MCF2L2: variants seen among roughly 807,000 people sequenced by gnomAD.
MCF2L2 encodes MCF.2 cell line derived transforming sequence-like 2, also known as probable guanine nucleotide exchange factor MCF2L2.
In MCF2L2, 102 loss-of-function variants were observed where a neutral mutation model predicts 150.2. That is an observed-to-expected ratio of 0.68 (90% confidence interval 0.58 to 0.80). The LOEUF is 0.80. Among genes scored for constraint, MCF2L2 ranks in the 30% least tolerant of loss-of-function variants. MCF2L2 has a pLI of 0.00. For missense variants in MCF2L2, 1,256 were observed against 1,372.8 expected (o/e 0.91, Z 1.34); for synonymous variants, 465 against 491.3 (o/e 0.95, Z 0.71).
intron 15 of MCF2L2, among the ~76,000 whole-genome samples, chr3:183,269,230 C>CTTTTTTGTTTTTTT (rs1726469621): frequency 1.2e-5 from 1 of 81,030 alleles, no homozygotes; most frequent in Non-Finnish European, 2.2e-5. Context: ...GTTTGGGAAG[C>CTTTTTTGTTTTTTT]TTTTTTTTTT....
chr3:183,209,288 A>G lies in MCF2L2; in HGVS notation c.2497-1465T>C, dbSNP rs534187228. Among the ~76,000 whole-genome samples, 7 of 152,318 alleles carry G rather than the reference A, an allele frequency of 4.6e-5. No homozygotes were observed. In the East Asian group the frequency reaches 1.4e-3, roughly 29 times the overall value. ...TTTAGTAAAGGCAACTGGTAGAAGTAGATACTTAATATTTGCCACATAAAC... is the reference window on the plus strand; with the variant it reads ...TTTAGTAAAGGCAACTGGTAGAAGTGGATACTTAATATTTGCCACATAAAC... On this transcript the variant is annotated intron_variant, in intron 22 of 29. Coordinates refer to ENST00000328913, the MANE Select transcript of MCF2L2 (RefSeq NM_015078.4).
chr3:183,364,413 A>G lies in MCF2L2; in HGVS notation c.275+14884T>C, dbSNP rs552998360. Among the ~76,000 whole-genome samples the G allele has an allele frequency of 2.0e-5, 3 of 152,156 alleles. No homozygotes were observed. The East Asian group carries it at 5.8e-4, about 29-fold the overall frequency. On this transcript the variant is annotated intron_variant, in intron 3 of 29. Coordinates refer to ENST00000328913, the MANE Select transcript of MCF2L2 (RefSeq NM_015078.4). ...TGGGTGCCTGTAGTCCCAGCTACTC[A>G]GGAGGCTGAGGCAGGAGAATGGCGT... is the stretch of plus-strand genomic sequence containing the variant.
At chr3:183,251,154 T>C (rs1475771807) in intron 15 of MCF2L2, among the ~76,000 whole-genome samples, 1 of 152,186 alleles carries the variant, frequency 6.6e-6, no homozygotes, top group Non-Finnish European at 1.5e-5. Context: ...TGTGTTTGAA[T>C]TCACAGATTC....
At position 183,416,298 on chromosome 3, in the gene MCF2L2, T is replaced by C. The variant is rs140607725; in HGVS notation, c.76+11604A>G. On this transcript the variant is annotated intron_variant, in intron 1 of 29. Coordinates refer to ENST00000328913, the MANE Select transcript of MCF2L2 (RefSeq NM_015078.4). ...AGAAAGGAGAACAAGTATATATTTA[T>C]AGAGTTTGTAACATTAACCTTATTT... 1.7e-4 allele frequency among the ~76,000 whole-genome samples: 26 copies of C among 152,348 alleles called. No individual in the cohort carries two copies. The Middle Eastern group carries it at 0.01, about 60-fold the overall frequency.
intron 2 of MCF2L2, among the ~76,000 whole-genome samples, chr3:183,382,465 G>T (rs1228130763): frequency 6.6e-6 from 1 of 152,170 alleles, no homozygotes; most frequent in East Asian, 1.9e-4. Context: ...ACAGCAGAGA[G>T]GCCCTAAGGT....
At chr3:183,406,401 A>C (rs1164833993) in intron 1 of MCF2L2, among the ~76,000 whole-genome samples, 2 of 152,030 alleles carry the variant, frequency 1.3e-5, no homozygotes, top group Non-Finnish European at 2.9e-5. Flanking sequence ...CCCATTTTTA[A>C]ATTGGGTCAT....
chr3:183,347,523 A>G (rs1730948631), intron 3 of MCF2L2, among the ~76,000 whole-genome samples: 1 of 152,362 alleles, frequency 6.6e-6, no homozygotes. Context: ...AAATACCAAA[A>G]GCAATTGCCA....
intron 25 of MCF2L2, among the ~76,000 whole-genome samples, chr3:183,203,401 G>A (rs960431797): frequency 1.1e-4 from 16 of 152,210 alleles, no homozygotes; most frequent in South Asian, 4.1e-4. Flanking sequence ...TTTAAAGGAC[G>A]AAACAGAAAT....
intron 1 of MCF2L2, among the ~76,000 whole-genome samples, chr3:183,423,371 C>T (rs543093698): frequency 2.6e-4 from 40 of 152,278 alleles, no homozygotes; most frequent in Non-Finnish European, 4.0e-4. Flanking sequence ...GGTTACAGAT[C>T]AGTATCCTAG....
intron 15 of MCF2L2, among the ~76,000 whole-genome samples, chr3:183,240,984 G>T (rs1723997746): frequency 6.6e-6 from 1 of 152,184 alleles, no homozygotes; most frequent in Admixed American, 6.5e-5. Context: ...TCCATGATAG[G>T]CACTTGGGAT....
chr3:183,417,881 G>A (rs750261665), intron 1 of MCF2L2, among the ~76,000 whole-genome samples: 6 of 152,158 alleles, frequency 3.9e-5, no homozygotes, highest in Non-Finnish European at 7.3e-5. Context: ...GAGAGAGGGT[G>A]CAGTGGAAAC....
chr3:183,414,328 T>A (rs569200012), intron 1 of MCF2L2, among the ~76,000 whole-genome samples: 2 of 152,336 alleles, frequency 1.3e-5, no homozygotes, highest in South Asian at 4.1e-4. Context: ...GTTTTAGGAA[T>A]CTGTCCATTT....
At chr3:183,319,377 CAA>C (rs1729724901) in intron 6 of MCF2L2, among the ~76,000 whole-genome samples, 1 of 152,214 alleles carries the variant, frequency 6.6e-6, no homozygotes, top group Admixed American at 6.5e-5. Flanking sequence ...TTGAACCCTT[CAA>C]AGTCATCCAT....
In MCF2L2 at chr3:183,207,801, T is replaced by C. The variant is rs950037211; in HGVS notation, c.2519A>G (p.Lys840Arg). Residue 840 changes from lysine (K) to arginine (R), a missense_variant, in exon 23 of 30, where the codon AAG (lysine) becomes AGG (arginine). Coordinates refer to ENST00000328913, the MANE Select transcript of MCF2L2 (RefSeq NM_015078.4). ...GCTGAAAGGGCCGTGCAGCAACAGC[T>C]TGCCTAGTTTTCCAATATCGTCCTT... is the stretch of plus-strand genomic sequence containing the variant. Reference protein sequence around the residue: ...ECPDDIGKLGKLLLHGPFSVW... With the variant: ...ECPDDIGKLGRLLLHGPFSVW... 7 of 1,613,992 alleles carry C rather than the reference T, an allele frequency of 4.3e-6. No individual in the cohort carries two copies. The African/African-American group carries it at 8.0e-5, about 18-fold the overall frequency.
chr3:183,349,703 A>G (rs1731036439), intron 3 of MCF2L2, among the ~76,000 whole-genome samples: 1 of 152,256 alleles, frequency 6.6e-6, no homozygotes, highest in African/African-American at 2.4e-5. Flanking sequence ...CAAGGCTGAT[A>G]GAACAGAATA....
At chr3:183,317,981 C>T in intron 7 of MCF2L2, 87 bp downstream of exon 7, 1 of 1,499,962 alleles carries the variant, frequency 6.7e-7, no homozygotes, top group Non-Finnish European at 9.1e-7. Flanking sequence ...GAGGGCTTAA[C>T]TGTTAATTCT....
At chr3:183,369,591 C>A (rs1242029042) in intron 3 of MCF2L2, among the ~76,000 whole-genome samples, 1 of 152,064 alleles carries the variant, frequency 6.6e-6, no homozygotes, top group Admixed American at 6.5e-5. Context: ...TATATTTGGC[C>A]ACCCTGCTCA....
chr3:183,245,974 A>G (rs945596786), intron 15 of MCF2L2, among the ~76,000 whole-genome samples: 13 of 152,190 alleles, frequency 8.5e-5, no homozygotes, highest in Non-Finnish European at 2.9e-5. Context: ...ACTACCTCAA[A>G]TTCTTTTTGG....
rs1178884482 is a variant in MCF2L2, at chr3:183,267,096, G to GTGAT, written c.1862+9772_1862+9775dup. Among the ~76,000 whole-genome samples the GTGAT allele has an allele frequency of 6.6e-6, 1 of 152,076 alleles. No individual in the cohort carries two copies. The highest frequency in any genetic ancestry group is 1.9e-4 in the East Asian group (1 of 5,178). On this transcript the variant is annotated intron_variant, in intron 15 of 29. Transcript: ENST00000328913. This position sits in a 1 kb window ranked among gnomAD's most constrained non-coding sequence, Gnocchi z 5.5. ...CCACCATGGCCGGCCTTCAGCCTTTGTGATATTAAAGCACAGCAACACATT... is the reference window on the plus strand; with the variant it reads ...CCACCATGGCCGGCCTTCAGCCTTTGTGATTGATATTAAAGCACAGCAACACATT...
Sources: allele counts gnomAD v4.1 joint callset (sites outside exome capture counted in the v4.1 genomes callset), GRCh38; gene constraint gnomAD v4.1.1; non-coding constraint Gnocchi (gnomAD v3.1); transcripts MANE v1.5; gene names NCBI Gene and HGNC (gene_info 2026-07-23, HGNC 2026-07-21).